The following C8orf34 variants were observed in gnomAD, a reference collection of about 807,000 sequenced individuals.
C8orf34 encodes the protein uncharacterized protein C8orf34.
Under a neutral mutation model 68.3 loss-of-function variants are expected in C8orf34, and 65 were observed. The observed-to-expected ratio is 0.95, with a 90% CI of 0.78 to 1.17. C8orf34 has a LOEUF of 1.17. C8orf34 is among the 50% of genes most tolerant of loss of function. The probability of loss-of-function intolerance (pLI) is 0.00; values close to 1 mark genes in which losing one functional copy is unlikely to be tolerated. For missense variants in C8orf34, 664 were observed against 655.4 expected (o/e 1.01, Z -0.14); for synonymous variants, 244 against 241.2 (o/e 1.01, Z -0.11).
intron 1 of C8orf34, among the ~76,000 whole-genome samples, chr8:68,373,204 A>G (rs1283297035): frequency 1.4e-4 from 22 of 152,152 alleles, no homozygotes; most frequent in Non-Finnish European, 2.9e-4. Context: ...TATGTTGGCC[A>G]GGCTGGTCTC....
At chr8:68,507,795 A>G (rs1312383190) in intron 5 of C8orf34, among the ~76,000 whole-genome samples, 2 of 152,296 alleles carry the variant, frequency 1.3e-5, no homozygotes, top group East Asian at 3.9e-4. Context: ...TGTCCCAAAT[A>G]ATTTATGGAT....
At chr8:68,369,189 G>A (rs1449789073) in intron 1 of C8orf34, among the ~76,000 whole-genome samples, 1 of 152,162 alleles carries the variant, frequency 6.6e-6, no homozygotes, top group East Asian at 1.9e-4. Flanking sequence ...AGACATCCTT[G>A]AAACCAATCT....
intron 3 of C8orf34, among the ~76,000 whole-genome samples, chr8:68,448,955 A>G (rs1054697368): frequency 9.9e-5 from 15 of 152,134 alleles, no homozygotes; most frequent in African/African-American, 3.4e-4. Flanking sequence ...AGAAGACATC[A>G]TAATACTAAA....
chr8:68,389,697 A>T (rs1023825006), intron 1 of C8orf34, among the ~76,000 whole-genome samples: 1 of 152,142 alleles, frequency 6.6e-6, no homozygotes, highest in Non-Finnish European at 1.5e-5. Flanking sequence ...TTCAGCCAAG[A>T]GGTTACAAAT....
intron 12 of C8orf34, among the ~76,000 whole-genome samples, chr8:68,804,028 A>T (rs1021097764): frequency 8.5e-5 from 13 of 152,150 alleles, no homozygotes; most frequent in African/African-American, 9.6e-5. Flanking sequence ...ACAATTTTTA[A>T]AAAAAAATCA....
chr8:68,525,933 G>T, intron 6 of C8orf34: 1 of 224,510 alleles, frequency 4.5e-6, no homozygotes, highest in East Asian at 1.6e-4. Flanking sequence ...GATGGCAGCT[G>T]AAAGAGACAA....
chr8:68,377,114 G>A (rs1807836103), intron 1 of C8orf34, among the ~76,000 whole-genome samples: 1 of 152,110 alleles, frequency 6.6e-6, no homozygotes, highest in Non-Finnish European at 1.5e-5. Context: ...AGAAGGGGCT[G>A]GGCATGGTGG....
At chr8:68,673,048 G>T (rs78598896) in intron 8 of C8orf34, among the ~76,000 whole-genome samples, 2 of 152,160 alleles carry the variant, frequency 1.3e-5, no homozygotes, top group Admixed American at 6.5e-5. Flanking sequence ...TGCCTTGAAG[G>T]TAAGTACTTA....
chr8:68,734,979 T>G (rs566361357), intron 10 of C8orf34, among the ~76,000 whole-genome samples: 2 of 152,326 alleles, frequency 1.3e-5, no homozygotes, highest in East Asian at 3.9e-4. Flanking sequence ...ATGAAATAAT[T>G]GAAATTAAGG....
intron 7 of C8orf34, among the ~76,000 whole-genome samples, chr8:68,597,908 CCTT>C (rs1474146121): frequency 2.0e-5 from 3 of 151,988 alleles, no homozygotes; most frequent in Non-Finnish European, 2.9e-5. Context: ...AAAGTTTTTT[CCTT>C]CTTACAACTA....
At chr8:68,573,596 A>C (rs930013636) in intron 7 of C8orf34, among the ~76,000 whole-genome samples, 16 of 152,192 alleles carry the variant, frequency 1.1e-4, no homozygotes, top group Non-Finnish European at 2.1e-4. Context: ...TCTAGTTAAA[A>C]GTGGCGTCCA....
At chr8:68,550,360 T>C (rs1360320893) in intron 7 of C8orf34, among the ~76,000 whole-genome samples, 1 of 151,820 alleles carries the variant, frequency 6.6e-6, no homozygotes, top group African/African-American at 2.4e-5. Context: ...GTAGTTCAAA[T>C]ACCTTGTAAT....
At chr8:68,715,222 C>T (rs1234889885) in intron 9 of C8orf34, among the ~76,000 whole-genome samples, 1 of 151,958 alleles carries the variant, frequency 6.6e-6, no homozygotes, top group East Asian at 1.9e-4. Context: ...TTAAAGACGT[C>T]ATGACCAAGA....
chr8:68,361,689 T>A (rs1273671674), intron 1 of C8orf34, among the ~76,000 whole-genome samples: 1 of 152,242 alleles, frequency 6.6e-6, no homozygotes, highest in Non-Finnish European at 1.5e-5. Flanking sequence ...TTATGGATTG[T>A]CTTTCTAACT....
chr8:68,566,122 G>T (rs1816581033), intron 7 of C8orf34, among the ~76,000 whole-genome samples: 2 of 152,076 alleles, frequency 1.3e-5, no homozygotes, highest in Non-Finnish European at 2.9e-5. Context: ...TTGTAAAGTT[G>T]TGTTTTTAAT....
intron 1 of C8orf34, among the ~76,000 whole-genome samples, chr8:68,383,592 G>C (rs1200879835): frequency 2.0e-5 from 3 of 152,216 alleles, no homozygotes; most frequent in African/African-American, 7.2e-5. Flanking sequence ...TGCATCTACA[G>C]TGTAAGAATG....
intron 1 of C8orf34, among the ~76,000 whole-genome samples, chr8:68,340,171 T>C (rs1191068100): frequency 6.6e-6 from 1 of 152,056 alleles, no homozygotes; most frequent in Non-Finnish European, 1.5e-5. Context: ...GAATGCAAAA[T>C]GGTCCAACCA....
chr8:68,476,982 C>A (rs1517114), intron 4 of C8orf34, among the ~76,000 whole-genome samples: 3 of 151,860 alleles, frequency 2.0e-5, no homozygotes, highest in Non-Finnish European at 2.9e-5. Flanking sequence ...TCCTGATAGC[C>A]CTTATTCCTA....
chr8:68,502,850 C>T (rs748226630), intron 5 of C8orf34, among the ~76,000 whole-genome samples: 10 of 152,138 alleles, frequency 6.6e-5, no homozygotes, highest in East Asian at 3.8e-4. Flanking sequence ...CCAGATGAAA[C>T]GATAACCATT....
Sources: allele counts gnomAD v4.1 joint callset (sites outside exome capture counted in the v4.1 genomes callset), GRCh38; gene constraint gnomAD v4.1.1; transcripts MANE v1.5; gene names NCBI Gene and HGNC (gene_info 2026-07-23, HGNC 2026-07-21).